TMPRSS11D: variants seen among roughly 807,000 people sequenced by gnomAD.
TMPRSS11D encodes the protein transmembrane serine protease 11D.
Under a neutral mutation model 44.4 loss-of-function variants are expected in TMPRSS11D, and 32 were observed. That is an observed-to-expected ratio of 0.72 (90% CI 0.54 to 0.97). The LOEUF (loss-of-function observed/expected upper bound fraction) is 0.97, where lower values mean the gene tolerates loss of function less well. Ranked by LOEUF, TMPRSS11D falls within the 50% of genes least tolerant of loss-of-function variation. TMPRSS11D has a pLI of 0.00. For synonymous variants in TMPRSS11D, 179 were observed against 177.9 expected (o/e 1.01, Z -0.05); for missense variants, 446 against 502.6 (o/e 0.89, Z 1.08).
chr4:67,839,005 A>G lies in TMPRSS11D; in HGVS notation c.318-676T>C, dbSNP rs1218640735. On this transcript the variant is annotated intron_variant, in intron 4 of 9. Coordinates refer to ENST00000283916, the MANE Select transcript of TMPRSS11D (RefSeq NM_004262.3). ...ACCTCAGTAATTTCTATTTTCTTCCAGGAAAGTTACCTCATAAACCAGTTC... is the reference window on the plus strand; with the variant it reads ...ACCTCAGTAATTTCTATTTTCTTCCGGGAAAGTTACCTCATAAACCAGTTC... 2.6e-5 allele frequency: 4 copies of G among 152,182 alleles called. No homozygotes were observed. The East Asian group carries it at 5.8e-4, about 22-fold the overall frequency. The allele number at this position is 152,182 out of a possible 1,614,324, so 9.4% of individuals were successfully genotyped here. A position where few individuals can be genotyped will look rare whatever the true frequency, so the allele number is the denominator to read the frequency against.
intron 3 of TMPRSS11D, among the ~76,000 whole-genome samples, chr4:67,851,193 G>A (rs1577818213): frequency 6.6e-6 from 1 of 152,200 alleles, no homozygotes; most frequent in Non-Finnish European, 1.5e-5. Context: ...GAGATCTATT[G>A]CAGCCATTCC....
chr4:67,833,854 G>A (rs753092836), intron 6 of TMPRSS11D, among the ~76,000 whole-genome samples: 18 of 152,236 alleles, frequency 1.2e-4, no homozygotes, highest in Non-Finnish European at 2.4e-4. Flanking sequence ...TTTGATGTGA[G>A]GTTCATGCAC....
chr4:67,853,055 A>G (rs1718546326), intron 3 of TMPRSS11D, among the ~76,000 whole-genome samples: 1 of 152,214 alleles, frequency 6.6e-6, no homozygotes, highest in Non-Finnish European at 1.5e-5. Context: ...CAGGTTGGCT[A>G]TAAGAATAAG....
intron 9 of TMPRSS11D, among the ~76,000 whole-genome samples, chr4:67,823,327 A>G (rs1035664379): frequency 4.6e-5 from 7 of 152,118 alleles, no homozygotes; most frequent in African/African-American, 7.2e-5. Flanking sequence ...CAACCAACCA[A>G]TAAATATTTG....
intron 1 of TMPRSS11D, among the ~76,000 whole-genome samples, chr4:67,870,561 TCC>T (rs1013050657): frequency 1.3e-5 from 2 of 152,198 alleles, no homozygotes; most frequent in Non-Finnish European, 2.9e-5. Flanking sequence ...ACGCCTGTAA[TCC>T]CAGCACTTGG....
chr4:67,861,800 A>G (rs1718796848), intron 1 of TMPRSS11D, among the ~76,000 whole-genome samples: 1 of 152,272 alleles, frequency 6.6e-6, no homozygotes, highest in Admixed American at 6.5e-5. Context: ...CTCACAAGCC[A>G]TAACTAATTA....
chr4:67,848,005 A>C (rs1211538794), intron 3 of TMPRSS11D, among the ~76,000 whole-genome samples: 1 of 152,210 alleles, frequency 6.6e-6, no homozygotes, highest in African/African-American at 2.4e-5. Context: ...TTCAGTAACA[A>C]TCAATTCTTG....
chr4:67,841,478 G>T (rs971222385), intron 4 of TMPRSS11D, among the ~76,000 whole-genome samples: 1 of 152,128 alleles, frequency 6.6e-6, no homozygotes. Context: ...GGACTGATGT[G>T]GTTTCTTTGG....
rs1469019575 is a variant in TMPRSS11D at position 67,857,304 on chromosome 4, TATATATATATATATATATACACACAC to T, written c.130+2227_130+2252del. Among the ~76,000 whole-genome samples, 141 of 27,572 alleles carry T rather than the reference TATATATATATATATATATACACACAC, an allele frequency of 5.1e-3. 10 individuals carry two copies. The South Asian group carries it at 0.17, about 33-fold the overall frequency. 18.1% of individuals were successfully genotyped at this position (27,572 alleles called of 152,430 possible). A position where few individuals can be genotyped will look rare whatever the true frequency, so the allele number is the denominator to read the frequency against. ...ATATATATATATATATATATATATATATATATATATATATATATACACACACACACACACACACACACATACACAAT... is the reference window on the plus strand; with the variant it reads ...ATATATATATATATATATATATATATACACACACACACACACATACACAAT... On this transcript the variant is annotated intron_variant, in intron 2 of 9. Coordinates refer to ENST00000283916, the MANE Select transcript of TMPRSS11D (RefSeq NM_004262.3).
At chr4:67,855,011 C>T (rs1577820783) in intron 2 of TMPRSS11D, among the ~76,000 whole-genome samples, 1 of 24,300 alleles carries the variant, frequency 4.1e-5, no homozygotes, top group African/African-American at 1.1e-4. Context: ...AATCCCAGCA[C>T]TTTGGGAGGC....
intron 7 of TMPRSS11D, among the ~76,000 whole-genome samples, chr4:67,828,415 T>C (rs1198062263): frequency 6.6e-6 from 1 of 152,116 alleles, no homozygotes; most frequent in Non-Finnish European, 1.5e-5. Context: ...GAGATGTTGT[T>C]GAGGGTGAAG....
chr4:67,830,514 C>A (rs1197881070), intron 7 of TMPRSS11D, among the ~76,000 whole-genome samples: 1 of 151,936 alleles, frequency 6.6e-6, no homozygotes, highest in South Asian at 2.1e-4. Context: ...AATAAAAATT[C>A]TATGACCGGA....
intron 1 of TMPRSS11D, among the ~76,000 whole-genome samples, chr4:67,871,800 A>C (rs1719066977): frequency 6.6e-6 from 1 of 152,190 alleles, no homozygotes; most frequent in Non-Finnish European, 1.5e-5. Context: ...CCATCTACAA[A>C]GGTGAATCTG....
chr4:67,828,840 C>A (rs1175597251), intron 7 of TMPRSS11D, among the ~76,000 whole-genome samples: 1 of 152,088 alleles, frequency 6.6e-6, no homozygotes, highest in Non-Finnish European at 1.5e-5. Flanking sequence ...AAAGTCATGA[C>A]AACAGACATT....
At position 67,827,413 on chromosome 4, in the gene TMPRSS11D, G is replaced by T. The variant is rs1663521228; in HGVS notation, c.800C>A (p.Ala267Glu). 3 of 1,613,072 alleles carry T rather than the reference G, an allele frequency of 1.9e-6. No homozygotes were observed. In the African/African-American group the frequency reaches 4.0e-5, roughly 22 times the overall value. Residue 267 changes from alanine (A) to glutamate (E), a missense_variant, in exon 8 of 10, where the codon GCA becomes GAA. Transcript: ENST00000283916. ...NILIHNNYKS[A>E]THENDIALVR... ...AAGTGCAATGTCATTTTCATGAGTT[G>T]CAGATTTATAATTGTTATGAATTAA... is the stretch of plus-strand genomic sequence containing the variant.
chr4:67,864,918 A>T (rs2109694106), intron 1 of TMPRSS11D, among the ~76,000 whole-genome samples: 1 of 151,948 alleles, frequency 6.6e-6, no homozygotes, highest in Middle Eastern at 3.4e-3. Context: ...TACAATAATG[A>T]TGGAGAACTT....
chr4:67,882,168 A>T (rs556904165), intron 1 of TMPRSS11D, among the ~76,000 whole-genome samples: 1 of 152,254 alleles, frequency 6.6e-6, no homozygotes, highest in African/African-American at 2.4e-5. Context: ...TTAATTTTTT[A>T]TAAAAAAAGC....
At chr4:67,844,537 G>T (rs1718313300) in intron 3 of TMPRSS11D, among the ~76,000 whole-genome samples, 1 of 152,086 alleles carries the variant, frequency 6.6e-6, no homozygotes, top group East Asian at 1.9e-4. Context: ...ACTTTGGGAG[G>T]CTGAGGCAAG....
intron 1 of TMPRSS11D, among the ~76,000 whole-genome samples, chr4:67,861,277 G>T (rs1409373958): frequency 2.0e-5 from 3 of 152,236 alleles, no homozygotes; most frequent in East Asian, 3.9e-4. Context: ...GAAGAAAACT[G>T]TCACTTTGAC....
Sources: allele counts gnomAD v4.1 joint callset (sites outside exome capture counted in the v4.1 genomes callset), GRCh38; gene constraint gnomAD v4.1.1; transcripts MANE v1.5; gene names NCBI Gene and HGNC (gene_info 2026-07-23, HGNC 2026-07-21).